Variants in MAST4 observed in about 807,000 individuals in gnomAD.
MAST4 encodes microtubule associated serine/threonine kinase family member 4.
Under a neutral mutation model 162.7 loss-of-function variants are expected in MAST4, and 89 were observed. That is an observed-to-expected ratio of 0.55 (90% CI 0.46 to 0.65). The LOEUF is 0.65. Ranked by LOEUF, MAST4 falls within the 30% of genes least tolerant of loss-of-function variation. MAST4 has a pLI of 0.00. For missense variants in MAST4, 3,153 were observed against 3,374.0 expected (o/e 0.93, Z 1.62); for synonymous variants, 1,479 against 1,361.1 (o/e 1.09, Z -1.91).
In MAST4 at chr5:66,808,011, T is replaced by C. The variant is rs540846940; in HGVS notation, c.642+19217T>C. 7.2e-5 allele frequency among the ~76,000 whole-genome samples: 11 copies of C among 152,364 alleles called. No individual in the cohort carries two copies. In the South Asian group the frequency reaches 1.7e-3, roughly 23 times the overall value. On this transcript the variant is annotated intron_variant, in intron 3 of 28. Transcript: ENST00000403625. ...GTGCCACCCTGGTCTTCACTGCACATGTTTTTCCTTGCCCTTTCTTCTATT... is the reference window on the plus strand; with the variant it reads ...GTGCCACCCTGGTCTTCACTGCACACGTTTTTCCTTGCCCTTTCTTCTATT...
At chr5:67,142,263 ATTGT>A (rs1181849358) in intron 20 of MAST4, 26 bp downstream of exon 20, 54 of 1,610,582 alleles carry the variant, frequency 3.4e-5, no homozygotes, top group African/African-American at 6.7e-5. Context: ...GACATAAAAC[ATTGT>A]TTGGCCTTTA....
At chr5:66,771,985 CT>C (rs1435981060) in intron 2 of MAST4, among the ~76,000 whole-genome samples, 2 of 152,218 alleles carry the variant, frequency 1.3e-5, no homozygotes, top group Non-Finnish European at 2.9e-5. Context: ...CCATGCTCAT[CT>C]TCTCAGTTCC....
intron 11 of MAST4, among the ~76,000 whole-genome samples, chr5:67,112,494 G>A (rs955128940): frequency 3.3e-5 from 5 of 152,162 alleles, no homozygotes; most frequent in African/African-American, 1.2e-4. Context: ...GGTTTTACCT[G>A]TGCCTCTCAC....
At chr5:67,011,122 TTG>T (rs1331917281) in intron 4 of MAST4, among the ~76,000 whole-genome samples, 9 of 152,160 alleles carry the variant, frequency 5.9e-5, no homozygotes, top group African/African-American at 2.2e-4. Context: ...GACTGTTCCT[TTG>T]TGACATGTTT....
In MAST4 at chr5:66,847,820, C is replaced by CAAAAAAAAA. The variant is rs777825639; in HGVS notation, c.643-52116_643-52108dup. On this transcript the variant is annotated intron_variant, in intron 3 of 28. Transcript: ENST00000403625. ...TGGGTGCTGGAACAAGACTCCTTCT[C>CAAAAAAAAA]AAAAAAAAAAAAAAAAAAAAAAAGA... Among the ~76,000 whole-genome samples, 127 of 54,130 alleles carry CAAAAAAAAA rather than the reference C, an allele frequency of 2.3e-3. 12 individuals carry two copies. The highest frequency in any genetic ancestry group is 9.9e-3 in the African/African-American group (114 of 11,486). 35.5% of individuals were successfully genotyped at this position (54,130 alleles called of 152,430 possible).
intron 3 of MAST4, among the ~76,000 whole-genome samples, chr5:66,829,063 A>C (rs1366709821): frequency 3.9e-5 from 6 of 152,188 alleles, no homozygotes. Context: ...TCAGTGAGGA[A>C]GCTGCTTTTG....
intron 3 of MAST4, among the ~76,000 whole-genome samples, chr5:66,790,860 A>T (rs999207997): frequency 2.0e-5 from 3 of 150,936 alleles, no homozygotes; most frequent in Non-Finnish European, 4.4e-5. Flanking sequence ...AAAGAGGAAA[A>T]TACTTCACAA....
At position 66,596,424 on chromosome 5, in the gene MAST4, G is replaced by A; in HGVS notation, c.-232G>A. The A allele has an allele frequency of 2.4e-6, 1 of 421,112 alleles. No individual in the cohort carries two copies. Among genetic ancestry groups the A allele is most frequent in the Non-Finnish European group, 4.0e-6 (1 of 248,202 alleles). The allele number at this position is 421,112 out of a possible 1,614,324, so 26.1% of individuals were successfully genotyped here. ...GAGCGCAGATCGCGGACCCGAGCGGGCATGTCCCCGCGCGCGGGAGCCTCC... is the reference window on the plus strand; with the variant it reads ...GAGCGCAGATCGCGGACCCGAGCGGACATGTCCCCGCGCGCGGGAGCCTCC... On this transcript the variant is annotated 5_prime_UTR_variant, in exon 1 of 29. Coordinates refer to ENST00000403625, the MANE Select transcript of MAST4 (RefSeq NM_001164664.2).
chr5:66,844,664 C>G (rs1371976714), intron 3 of MAST4, among the ~76,000 whole-genome samples: 3 of 152,022 alleles, frequency 2.0e-5, no homozygotes, highest in Non-Finnish European at 4.4e-5. Flanking sequence ...GGTAACTAGA[C>G]AATGCAGAGT....
At chr5:67,002,232 A>G (rs536248646) in intron 4 of MAST4, among the ~76,000 whole-genome samples, 1 of 152,220 alleles carries the variant, frequency 6.6e-6, no homozygotes, top group Non-Finnish European at 1.5e-5. Flanking sequence ...ACTAAGAGAA[A>G]GTCTTCAGAA....
chr5:67,045,571 A>G (rs1225173572), intron 4 of MAST4, among the ~76,000 whole-genome samples: 1 of 152,228 alleles, frequency 6.6e-6, no homozygotes, highest in African/African-American at 2.4e-5. Flanking sequence ...GTGGTCCCAC[A>G]TGATTGTAAT....
intron 5 of MAST4, among the ~76,000 whole-genome samples, chr5:67,074,423 CTAT>C (rs1354593771): frequency 6.6e-6 from 1 of 152,020 alleles, no homozygotes; most frequent in East Asian, 1.9e-4. Context: ...ATGACTTGAA[CTAT>C]TATTTGCATT....
chr5:66,878,271 T>G (rs1264176146), intron 3 of MAST4, among the ~76,000 whole-genome samples: 1 of 152,248 alleles, frequency 6.6e-6, no homozygotes, highest in Non-Finnish European at 1.5e-5. Flanking sequence ...GGGCCACGTT[T>G]GCCAGTTTGC....
At chr5:66,980,772 C>G (rs1416878242) in intron 4 of MAST4, among the ~76,000 whole-genome samples, 1 of 152,222 alleles carries the variant, frequency 6.6e-6, no homozygotes, top group African/African-American at 2.4e-5. Flanking sequence ...AGTTATCACT[C>G]TTCTCCACCT....
intron 1 of MAST4, among the ~76,000 whole-genome samples, chr5:66,683,395 A>G (rs1423992474): frequency 1.3e-5 from 2 of 152,114 alleles, no homozygotes; most frequent in Non-Finnish European, 2.9e-5. Flanking sequence ...TAAAAGGTAC[A>G]TGTAGTGGTG....
intron 4 of MAST4, among the ~76,000 whole-genome samples, chr5:67,021,984 C>T (rs1013618663): frequency 1.3e-5 from 2 of 152,162 alleles, no homozygotes; most frequent in Non-Finnish European, 2.9e-5. Flanking sequence ...CTGTCCCCTA[C>T]TCCCTGCTTA....
intron 1 of MAST4, among the ~76,000 whole-genome samples, chr5:66,717,195 A>G (rs1332201501): frequency 6.6e-6 from 1 of 152,062 alleles, no homozygotes; most frequent in Non-Finnish European, 1.5e-5. Context: ...GGAGGAGGCT[A>G]CCCTATACTC....
chr5:67,140,650 G>A (rs544418234), intron 19 of MAST4, among the ~76,000 whole-genome samples: 1 of 152,196 alleles, frequency 6.6e-6, no homozygotes, highest in Admixed American at 6.5e-5. Flanking sequence ...CGTGGTCCAC[G>A]GTGCTTTATT....
intron 4 of MAST4, among the ~76,000 whole-genome samples, chr5:67,051,197 A>AG (rs61317058): frequency 0.39 from 58,359 of 150,458 alleles, 11,708 homozygotes; most frequent in African/African-American, 0.43. Flanking sequence ...AAAAAAAAAA[A>AG]CAAGGCAGAA....
Sources: gnomAD v4.1 joint callset for allele counts (sites outside exome capture counted in the v4.1 genomes callset) on GRCh38, gnomAD v4.1.1 for gene constraint, MANE v1.5 for transcripts, NCBI Gene and HGNC (gene_info 2026-07-23, HGNC 2026-07-21) for gene names.